NCK1: variants seen among roughly 807,000 people sequenced by gnomAD.
NCK1 encodes the protein SH2/SH3 adapter protein NCK1.
In NCK1, 19 loss-of-function variants were observed where a neutral mutation model predicts 36.6. That is an observed-to-expected ratio of 0.52 (90% CI 0.36 to 0.76). The LOEUF is 0.76. NCK1 is among the 30% of genes least tolerant of loss of function. The pLI, the probability that NCK1 is intolerant of heterozygous loss-of-function variation, is 0.00. For missense variants in NCK1, 358 were observed against 445.6 expected, an observed-to-expected ratio of 0.80 and a Z score of 1.77; for synonymous variants, 165 against 156.0, an observed-to-expected ratio of 1.06 and a Z score of -0.43.
chr3:136,880,860 C>T (rs1266639544), intron 1 of NCK1, among the ~76,000 whole-genome samples: 3 of 152,130 alleles, frequency 2.0e-5, no homozygotes, highest in Non-Finnish European at 4.4e-5. Context: ...CCTTCCACCT[C>T]AGCCTCCCAA....
chr3:136,868,192 A>T (rs959581507), intron 1 of NCK1, among the ~76,000 whole-genome samples: 4 of 152,188 alleles, frequency 2.6e-5, no homozygotes, highest in African/African-American at 9.7e-5. Flanking sequence ...CTGGAATTAC[A>T]GGCATGAGCC....
intron 2 of NCK1, among the ~76,000 whole-genome samples, chr3:136,931,164 C>G (rs1054176022): frequency 6.6e-6 from 1 of 151,916 alleles, no homozygotes; most frequent in African/African-American, 2.4e-5. Flanking sequence ...AGCTATACAA[C>G]CAAGAGGAAA....
intron 1 of NCK1, among the ~76,000 whole-genome samples, chr3:136,889,580 TTC>T (rs1167646289): frequency 9.9e-5 from 15 of 152,098 alleles, no homozygotes; most frequent in Non-Finnish European, 8.8e-5. Context: ...CCTGCTTTTA[TTC>T]TCTTATCTGG....
chr3:136,906,328 TCGAA>T (rs1436109533), intron 1 of NCK1, among the ~76,000 whole-genome samples: 1 of 152,160 alleles, frequency 6.6e-6, no homozygotes, highest in African/African-American at 2.4e-5. Flanking sequence ...CAGGCTGGTC[TCGAA>T]CTCCTGAGCT....
At chr3:136,929,961 CTATT>C (rs1344623435) in intron 2 of NCK1, among the ~76,000 whole-genome samples, 2 of 152,152 alleles carry the variant, frequency 1.3e-5, no homozygotes, top group African/African-American at 4.8e-5. Flanking sequence ...GATTTTATCT[CTATT>C]TAAGTCTTAG....
chr3:136,944,673 T>G (rs768951389), intron 2 of NCK1, among the ~76,000 whole-genome samples: 5 of 152,070 alleles, frequency 3.3e-5, no homozygotes, highest in Non-Finnish European at 4.4e-5. Flanking sequence ...AGGATCAGGA[T>G]TTGGAGACTT....
chr3:136,923,363 G>T (rs180895156), intron 1 of NCK1, among the ~76,000 whole-genome samples: 7 of 152,130 alleles, frequency 4.6e-5, no homozygotes, highest in Admixed American at 3.3e-4. Flanking sequence ...AAACCATCCT[G>T]GCTAACACAG....
At chr3:136,862,492 G>A (rs965813913) in intron 1 of NCK1, 139 bp downstream of exon 1, 1 of 151,428 alleles carries the variant, frequency 6.6e-6, no homozygotes, top group Non-Finnish European at 1.5e-5. Flanking sequence ...CAGGCTCGGA[G>A]CCGAGCCGGA....
chr3:136,881,546 G>A (rs1938936427), intron 1 of NCK1, among the ~76,000 whole-genome samples: 9 of 152,118 alleles, frequency 5.9e-5, no homozygotes, highest in Admixed American at 5.9e-4. Flanking sequence ...AACTGCATAA[G>A]CATAAAGTTG....
intron 1 of NCK1, among the ~76,000 whole-genome samples, chr3:136,870,938 G>A (rs1174913235): frequency 3.3e-5 from 5 of 152,106 alleles, no homozygotes; most frequent in Non-Finnish European, 7.3e-5. Context: ...GAAATCCAGG[G>A]TTGGCATGGC....
intron 1 of NCK1, among the ~76,000 whole-genome samples, chr3:136,903,068 G>A (rs550994715): frequency 6.6e-5 from 10 of 152,232 alleles, no homozygotes; most frequent in East Asian, 1.9e-4. Context: ...AACTATTATC[G>A]TAGTGGAATC....
At chr3:136,892,220 A>G (rs1939265240) in intron 1 of NCK1, among the ~76,000 whole-genome samples, 1 of 151,968 alleles carries the variant, frequency 6.6e-6, no homozygotes, top group Admixed American at 6.6e-5. Context: ...GTTGTTTTTG[A>G]CTTGTAAGAG....
intron 1 of NCK1, among the ~76,000 whole-genome samples, chr3:136,866,370 C>T (rs1327804945): frequency 6.6e-6 from 1 of 150,654 alleles, no homozygotes; most frequent in Non-Finnish European, 1.5e-5. Context: ...TGCAATGGTG[C>T]GATCTCGGCT....
At chr3:136,871,525 G>T (rs759332467) in intron 1 of NCK1, among the ~76,000 whole-genome samples, 11 of 152,216 alleles carry the variant, frequency 7.2e-5, no homozygotes, top group Non-Finnish European at 1.3e-4. Context: ...AAATCCAGAT[G>T]TGGAACATTT....
chr3:136,908,558 G>T (rs1177341803), intron 1 of NCK1, among the ~76,000 whole-genome samples: 1 of 152,164 alleles, frequency 6.6e-6, no homozygotes, highest in Non-Finnish European at 1.5e-5. Context: ...TGAAACTGGA[G>T]ACCAAATCTG....
At chr3:136,942,634 A>C (rs1940707796) in intron 2 of NCK1, among the ~76,000 whole-genome samples, 1 of 152,140 alleles carries the variant, frequency 6.6e-6, no homozygotes, top group African/African-American at 2.4e-5. Flanking sequence ...GCCAGGGTGA[A>C]AGCTTAGGGT....
rs142360513 is a variant in NCK1 at position 136,947,153 on chromosome 3, G to C, written c.939+858G>C. The C allele has an allele frequency of 2.6e-5, 4 of 152,284 alleles. No homozygotes were observed. The East Asian group carries it at 7.7e-4, about 29-fold the overall frequency. 9.4% of individuals were successfully genotyped at this position (152,284 alleles called of 1,614,324 possible). On this transcript the variant is annotated intron_variant, in intron 3 of 3. Transcript: ENST00000481752. ...GGGAGAGAGATTAATTGAACTTCCT[G>C]ATGTGAAGTTCAGGAAAATGGGGCC...
rs746654195 is a variant in NCK1, at chr3:136,946,151, G to A, written c.795G>A (p.Gln265=). ...CAGGTTTGGAACCATCACCTCCACA[G>A]TGTGATTACATTAGGCCTTCACTCA... The part of the protein sequence containing the change: ...LTSGLEPSPP[Q]CDYIRPSLTG... Residue 265 remains glutamine, a synonymous_variant, in exon 3 of 4, where the codon CAG becomes CAA. Coordinates refer to ENST00000481752, the MANE Select transcript of NCK1 (RefSeq NM_001291999.2). 3.1e-6 allele frequency: 5 copies of A among 1,613,722 alleles called. No individual in the cohort carries two copies. The highest frequency in any genetic ancestry group is 1.6e-4 in the Middle Eastern group (1 of 6,062).
chr3:136,921,210 T>C (rs998984999), intron 1 of NCK1, among the ~76,000 whole-genome samples: 1 of 152,146 alleles, frequency 6.6e-6, no homozygotes, highest in African/African-American at 2.4e-5. Context: ...AAACAGTAAC[T>C]CCCCTGTATA....
Sources: allele counts gnomAD v4.1 joint callset (sites outside exome capture counted in the v4.1 genomes callset), GRCh38; gene constraint gnomAD v4.1.1; transcripts MANE v1.5; gene names NCBI Gene and HGNC (gene_info 2026-07-23, HGNC 2026-07-21).